ZSWIM5: variants seen among roughly 807,000 people sequenced by gnomAD.
ZSWIM5 encodes the protein zinc finger SWIM-type containing 5.
In ZSWIM5, 55 loss-of-function variants were observed where a neutral mutation model predicts 119.6. That is an observed-to-expected ratio of 0.46 (90% CI 0.37 to 0.58). The LOEUF is 0.58. ZSWIM5 is among the 20% of genes least tolerant of loss of function. The probability of loss-of-function intolerance (pLI) is 0.00; values close to 1 mark genes in which losing one functional copy is unlikely to be tolerated. For missense variants in ZSWIM5, 1,193 were observed against 1,512.8 expected, an observed-to-expected ratio of 0.79 and a Z score of 3.51; for synonymous variants, 537 against 606.9, an observed-to-expected ratio of 0.88 and a Z score of 1.69.
chr1:45,054,581 C>T (rs964048948), intron 4 of ZSWIM5, among the ~76,000 whole-genome samples: 1 of 151,526 alleles, frequency 6.6e-6, no homozygotes, highest in Non-Finnish European at 1.5e-5. Flanking sequence ...GACACTTTCT[C>T]AAAAAACAAC....
intron 1 of ZSWIM5, among the ~76,000 whole-genome samples, chr1:45,175,429 A>C (rs1042177130): frequency 1.3e-5 from 2 of 152,044 alleles, no homozygotes; most frequent in Non-Finnish European, 2.9e-5. Context: ...TATACTCATC[A>C]AATTTTCAAC....
chr1:45,183,359 A>G (rs1557791947), intron 1 of ZSWIM5, among the ~76,000 whole-genome samples: 1 of 151,950 alleles, frequency 6.6e-6, no homozygotes, highest in Non-Finnish European at 1.5e-5. Context: ...AAGAGCAAAC[A>G]CATTCAAAAA....
intron 10 of ZSWIM5, 83 bp from the exon 11 acceptor site, chr1:45,034,552 G>T: frequency 1.4e-6 from 2 of 1,469,276 alleles, no homozygotes; most frequent in East Asian, 2.3e-5. Flanking sequence ...TCTTTGCTGG[G>T]GAGGAACTGG....
intron 1 of ZSWIM5, among the ~76,000 whole-genome samples, chr1:45,136,053 G>A (rs778798070): frequency 6.6e-6 from 1 of 152,072 alleles, no homozygotes; most frequent in Non-Finnish European, 1.5e-5. Context: ...TAGCGATGGA[G>A]TTTCGCCATG....
intron 1 of ZSWIM5, among the ~76,000 whole-genome samples, chr1:45,163,155 A>G (rs1645874208): frequency 6.6e-6 from 1 of 152,180 alleles, no homozygotes; most frequent in South Asian, 2.1e-4. Context: ...AACATTTGCC[A>G]TTCTGCAATA....
chr1:45,090,320 C>T (rs1645357612), intron 1 of ZSWIM5, among the ~76,000 whole-genome samples: 1 of 152,156 alleles, frequency 6.6e-6, no homozygotes, highest in Non-Finnish European at 1.5e-5. Flanking sequence ...GGTTAAACCC[C>T]ACAGAGGTTT....
chr1:45,123,402 A>G (rs760086764), intron 1 of ZSWIM5, among the ~76,000 whole-genome samples: 2 of 152,232 alleles, frequency 1.3e-5, no homozygotes, highest in African/African-American at 2.4e-5. Context: ...ATCTCTCAGC[A>G]GAGAAACAGA....
intron 2 of ZSWIM5, among the ~76,000 whole-genome samples, chr1:45,060,681 T>C (rs537348687): frequency 6.6e-6 from 1 of 152,216 alleles, no homozygotes; most frequent in East Asian, 1.9e-4. Flanking sequence ...AAGTTCTTTT[T>C]GTTTGTTTGA....
At chr1:45,120,816 A>G (rs755667773) in intron 1 of ZSWIM5, among the ~76,000 whole-genome samples, 1 of 151,072 alleles carries the variant, frequency 6.6e-6, no homozygotes, top group South Asian at 2.1e-4. Flanking sequence ...CGAACTTCCA[A>G]CCTCCCCCAA....
intron 1 of ZSWIM5, among the ~76,000 whole-genome samples, chr1:45,102,852 ATTAT>A (rs909825177): frequency 9.7e-4 from 147 of 151,962 alleles, no homozygotes; most frequent in African/African-American, 3.2e-3. Flanking sequence ...AGATTTTTAA[ATTAT>A]TTATTTATTT....
chr1:45,051,481 C>G (rs545099577), intron 4 of ZSWIM5, among the ~76,000 whole-genome samples: 1 of 152,210 alleles, frequency 6.6e-6, no homozygotes, highest in South Asian at 2.1e-4. Context: ...GATATAAAGA[C>G]AGATTTAGGC....
intron 4 of ZSWIM5, among the ~76,000 whole-genome samples, chr1:45,056,550 T>TGCCACGGCCAAGACTGC (rs1645122401): frequency 6.7e-6 from 1 of 149,986 alleles, no homozygotes; most frequent in African/African-American, 2.5e-5. Flanking sequence ...GCCAAGACTG[T>TGCCACGGCCAAGACTGC]GCCACTGCCA....
At chr1:45,059,923 C>T (rs1488151545) in intron 3 of ZSWIM5, among the ~76,000 whole-genome samples, 176 bp downstream of exon 3, 1 of 152,104 alleles carries the variant, frequency 6.6e-6, no homozygotes, top group African/African-American at 2.4e-5. Context: ...GGTGGGAGGC[C>T]TCCTTGGATG....
chr1:45,082,703 A>T (rs1301609816), intron 2 of ZSWIM5, among the ~76,000 whole-genome samples: 1 of 152,234 alleles, frequency 6.6e-6, no homozygotes, highest in Non-Finnish European at 1.5e-5. Context: ...ATGTATACAG[A>T]AGTAGTAGTT....
At chr1:45,159,683 G>A (rs935520816) in intron 1 of ZSWIM5, among the ~76,000 whole-genome samples, 17 of 151,970 alleles carry the variant, frequency 1.1e-4, no homozygotes, top group African/African-American at 3.6e-4. Context: ...CTGCCTCCTG[G>A]GTTCAAGCGC....
chr1:45,045,524 T>C (rs897162151), intron 5 of ZSWIM5, among the ~76,000 whole-genome samples: 1 of 152,170 alleles, frequency 6.6e-6, no homozygotes, highest in African/African-American at 2.4e-5. Flanking sequence ...GGTTGAAGGA[T>C]ATTATCATTA....
At chr1:45,038,209 T>C (rs1434269137) in intron 8 of ZSWIM5, among the ~76,000 whole-genome samples, 2 of 152,202 alleles carry the variant, frequency 1.3e-5, no homozygotes, top group South Asian at 2.1e-4. Context: ...GTAAAATTGG[T>C]ACAAAACCAT....
intron 1 of ZSWIM5, among the ~76,000 whole-genome samples, chr1:45,118,585 A>G (rs1334210521): frequency 6.6e-6 from 1 of 152,208 alleles, no homozygotes; most frequent in African/African-American, 2.4e-5. Context: ...TACAAAAAAT[A>G]CAAAAAATTA....
chr1:45,182,382 C>A (rs917467251), intron 1 of ZSWIM5, among the ~76,000 whole-genome samples: 1 of 146,710 alleles, frequency 6.8e-6, no homozygotes, highest in Non-Finnish European at 1.5e-5. Flanking sequence ...CCCGCCTGGG[C>A]GACAGAACGA....
Sources: allele counts gnomAD v4.1 joint callset (sites outside exome capture counted in the v4.1 genomes callset), GRCh38; gene constraint gnomAD v4.1.1; transcripts MANE v1.5; gene names NCBI Gene and HGNC (gene_info 2026-07-23, HGNC 2026-07-21).